Variants in GPC5 observed in about 807,000 individuals in gnomAD.
GPC5 encodes glypican-5.
GPC5 carries 47 observed loss-of-function variants against 53.9 expected under a neutral mutation model. That is an observed-to-expected ratio of 0.87 (90% CI 0.69 to 1.11). The LOEUF (loss-of-function observed/expected upper bound fraction) is 1.11, where lower values mean the gene tolerates loss of function less well. GPC5 is among the 50% of genes most tolerant of loss of function. GPC5 has a pLI of 0.00. For synonymous variants in GPC5, 286 were observed against 263.3 expected (o/e 1.09, Z -0.84); for missense variants, 748 against 713.1 (o/e 1.05, Z -0.56).
intron 5 of GPC5, 25 bp from the exon 6 acceptor site, chr13:91,907,912 A>G (rs1229858429): frequency 1.3e-6 from 2 of 1,592,342 alleles, no homozygotes; most frequent in Non-Finnish European, 1.7e-6. Flanking sequence ...GTACTAAGTC[A>G]TATCTTTCAC....
chr13:92,723,678 A>T (rs549760531), intron 7 of GPC5, among the ~76,000 whole-genome samples: 1 of 151,806 alleles, frequency 6.6e-6, no homozygotes, highest in South Asian at 2.1e-4. Context: ...GGATGCTGTG[A>T]ACCCAGAAGG....
chr13:92,273,710 G>C (rs900749676), intron 7 of GPC5, among the ~76,000 whole-genome samples: 5 of 152,056 alleles, frequency 3.3e-5, no homozygotes, highest in Admixed American at 3.3e-4. Flanking sequence ...ATGTGGAAAG[G>C]AAGCTCAAAC....
At chr13:91,510,266 A>G (rs1158361259) in intron 2 of GPC5, among the ~76,000 whole-genome samples, 1 of 152,120 alleles carries the variant, frequency 6.6e-6, no homozygotes, top group East Asian at 1.9e-4. Context: ...GAGCTGCTCT[A>G]ATGTTTTAGA....
intron 5 of GPC5, among the ~76,000 whole-genome samples, chr13:91,821,357 G>T (rs2038492111): frequency 6.6e-6 from 1 of 152,142 alleles, no homozygotes; most frequent in Non-Finnish European, 1.5e-5. Context: ...ATCTGTCCTA[G>T]ACGTTTACTT....
chr13:92,135,075 T>C (rs2041772947), intron 6 of GPC5, among the ~76,000 whole-genome samples: 1 of 152,108 alleles, frequency 6.6e-6, no homozygotes, highest in East Asian at 1.9e-4. Flanking sequence ...TGCTGCAGGG[T>C]CATTATACAT....
At chr13:92,719,088 AAAGAT>A (rs768128031) in intron 7 of GPC5, among the ~76,000 whole-genome samples, 1 of 151,942 alleles carries the variant, frequency 6.6e-6, no homozygotes, top group Non-Finnish European at 1.5e-5. Context: ...AAATATTAAA[AAAGAT>A]AATAAAAGAC....
intron 5 of GPC5, among the ~76,000 whole-genome samples, chr13:91,869,854 G>A (rs1222970291): frequency 6.6e-6 from 1 of 152,084 alleles, no homozygotes; most frequent in Non-Finnish European, 1.5e-5. Context: ...AGAGCAAAGG[G>A]GGAAGTGCTA....
chr13:91,716,835 G>A (rs1006900647), intron 3 of GPC5, among the ~76,000 whole-genome samples: 3 of 152,164 alleles, frequency 2.0e-5, no homozygotes, highest in Non-Finnish European at 1.5e-5. Context: ...CATTTAAATC[G>A]TCTCCTGCAT....
intron 7 of GPC5, among the ~76,000 whole-genome samples, chr13:92,827,265 T>C (rs765372857): frequency 3.9e-5 from 6 of 152,134 alleles, no homozygotes; most frequent in Non-Finnish European, 7.4e-5. Flanking sequence ...GACAGAAAGC[T>C]TTCAAGACAT....
intron 7 of GPC5, among the ~76,000 whole-genome samples, chr13:92,321,264 A>G (rs1162902058): frequency 6.6e-6 from 1 of 152,242 alleles, no homozygotes; most frequent in Non-Finnish European, 1.5e-5. Context: ...TTTGAAATAC[A>G]TAAATTGGAA....
intron 3 of GPC5, among the ~76,000 whole-genome samples, chr13:91,695,039 G>A (rs1262476108): frequency 6.6e-6 from 1 of 152,180 alleles, no homozygotes; most frequent in Non-Finnish European, 1.5e-5. Context: ...GGTCCTGCGT[G>A]AGCCTTTATG....
At chr13:92,763,342 T>TA (rs1462189736) in intron 7 of GPC5, among the ~76,000 whole-genome samples, 2 of 150,296 alleles carry the variant, frequency 1.3e-5, no homozygotes, top group African/African-American at 4.9e-5. Flanking sequence ...GATGAAGGGG[T>TA]ACAGCTTCCA....
chr13:91,693,531 A>G lies in GPC5; in HGVS notation c.670A>G (p.Thr224Ala). 6.2e-7 allele frequency: 1 copy of G among 1,614,046 alleles called. No individual in the cohort carries two copies. Among genetic ancestry groups the G allele is most frequent in the Non-Finnish European group, 8.5e-7 (1 of 1,179,994 alleles). ...QMGRSLLPSR[T>A]FLQALNLGIE... ...GGGGAGGTCCCTGCTGCCCAGCCGC[A>G]CTTTTCTGCAGGCACTCAATCTGGG... The change falls in exon 3 of 8, where the codon ACT becomes GCT. Residue 224 changes from threonine to alanine, a missense_variant. By Grantham distance (58) the Thr-to-Ala change is moderately conservative. Transcript: ENST00000377067.
At chr13:92,261,816 T>C (rs115848468) in intron 7 of GPC5, among the ~76,000 whole-genome samples, 2,357 of 152,226 alleles carry the variant, frequency 0.015, 73 homozygotes, top group African/African-American at 0.054. Context: ...TTATGAAAAC[T>C]ACAGAATAAT....
At chr13:92,543,168 T>A (rs1313157097) in intron 7 of GPC5, among the ~76,000 whole-genome samples, 1 of 152,098 alleles carries the variant, frequency 6.6e-6, no homozygotes, top group Admixed American at 6.6e-5. Flanking sequence ...CCTTCATTTT[T>A]TAAAAATTCA....
intron 4 of GPC5, among the ~76,000 whole-genome samples, chr13:91,750,156 T>C (rs917620446): frequency 2.6e-5 from 4 of 152,096 alleles, no homozygotes; most frequent in African/African-American, 9.7e-5. Flanking sequence ...ACTTGGAAAA[T>C]GGAGGCACAG....
At chr13:92,361,133 A>T (rs2043562924) in intron 7 of GPC5, among the ~76,000 whole-genome samples, 1 of 151,726 alleles carries the variant, frequency 6.6e-6, no homozygotes, top group South Asian at 2.1e-4. Context: ...CAATATCTCC[A>T]TTTTTATGGA....
chr13:92,608,279 C>T (rs1457508858), intron 7 of GPC5, among the ~76,000 whole-genome samples: 1 of 152,184 alleles, frequency 6.6e-6, no homozygotes, highest in Admixed American at 6.5e-5. Context: ...TTGTTATTAA[C>T]TGTTAATTGT....
chr13:91,976,080 A>G (rs1255626847), intron 6 of GPC5, among the ~76,000 whole-genome samples: 5 of 152,018 alleles, frequency 3.3e-5, no homozygotes, highest in African/African-American at 1.2e-4. Context: ...ATGAGAACAC[A>G]TGGACACAGG....
Sources: gnomAD v4.1 joint callset for allele counts (sites outside exome capture counted in the v4.1 genomes callset) on GRCh38, gnomAD v4.1.1 for gene constraint, MANE v1.5 for transcripts, NCBI Gene and HGNC (gene_info 2026-07-23, HGNC 2026-07-21) for gene names.